EGFR: variants seen among roughly 807,000 people sequenced by gnomAD.
The protein encoded by EGFR is avian erythroblastic leukemia viral (v-erb-b) oncogene homolog.
EGFR carries 58 observed loss-of-function variants against 143.0 expected under a neutral mutation model. The observed-to-expected ratio is 0.41, with a 90% CI of 0.33 to 0.50. The LOEUF (loss-of-function observed/expected upper bound fraction) is 0.50. Among genes scored for constraint, EGFR ranks in the 20% least tolerant of loss-of-function variants. EGFR has a pLI of 0.39. For synonymous variants in EGFR, 613 were observed against 594.4 expected (o/e 1.03, Z -0.45); for missense variants, 1,307 against 1,579.0 (o/e 0.83, Z 2.92).
chr7:55,137,855 G>A (rs1794238336), intron 1 of EGFR, among the ~76,000 whole-genome samples: 2 of 152,166 alleles, frequency 1.3e-5, no homozygotes, highest in South Asian at 4.1e-4. Flanking sequence ...GGGCATGAGG[G>A]ATGACAGTTA....
chr7:55,156,427 G>A (rs2128937917), intron 8 of EGFR, 106 bp from the exon 9 acceptor site: 4 of 1,496,084 alleles, frequency 2.7e-6, no homozygotes, highest in African/African-American at 1.4e-5. Context: ...TGGCAGTGGC[G>A]GTTCCGGTGA....
rs562386030 is a variant in EGFR at position 55,148,286 on chromosome 7, T to C, written c.559+1546T>C. On this transcript the variant is annotated intron_variant, in intron 4 of 27. Transcript: ENST00000275493. ...CTGTGCACATTTTATTTTTTTTTAA[T>C]GAACCTGGAACGGTTATGGGGCCAG... is the stretch of plus-strand genomic sequence containing the variant. Among the ~76,000 whole-genome samples the C allele has an allele frequency of 1.1e-4, 17 of 152,280 alleles. No homozygotes were observed. In the South Asian group the frequency reaches 3.5e-3, roughly 32 times the overall value.
chr7:55,110,848 C>A (rs540532841), intron 1 of EGFR, among the ~76,000 whole-genome samples: 1 of 152,158 alleles, frequency 6.6e-6, no homozygotes, highest in Non-Finnish European at 1.5e-5. Flanking sequence ...GGTGTGAAGT[C>A]GCTGGAGAAG....
intron 1 of EGFR, among the ~76,000 whole-genome samples, chr7:55,067,931 C>T (rs1249391033): frequency 6.7e-6 from 1 of 150,046 alleles, no homozygotes; most frequent in Non-Finnish European, 1.5e-5. Flanking sequence ...TGTGTCTGCG[C>T]ACGTGTGTAT....
intron 20 of EGFR, 105 bp from the exon 21 acceptor site, chr7:55,191,614 G>A (rs972882489): frequency 5.3e-6 from 8 of 1,503,092 alleles, no homozygotes; most frequent in African/African-American, 1.4e-5. Context: ...ATAAGTCCTC[G>A]ACGTGGAGAG....
rs565931022 is a variant in EGFR, at chr7:55,145,869, T to C, written c.425-737T>C. Among the ~76,000 whole-genome samples, 3 of 152,324 alleles carry C rather than the reference T, an allele frequency of 2.0e-5. No individual in the cohort carries two copies. In the East Asian group the frequency reaches 5.8e-4, roughly 29 times the overall value. ...CTGTCAGCTCCCAGATCGAAGCCAG[T>C]GGATCTCATTCATCCTCGCAGCGCC... On this transcript the variant is annotated intron_variant, in intron 3 of 27. Transcript: ENST00000275493.
intron 1 of EGFR, among the ~76,000 whole-genome samples, chr7:55,130,511 G>A (rs1025459298): frequency 3.3e-5 from 5 of 152,096 alleles, no homozygotes; most frequent in African/African-American, 7.2e-5. Flanking sequence ...AAAGCTTCAC[G>A]CCCGCCCCCG....
intron 1 of EGFR, among the ~76,000 whole-genome samples, chr7:55,070,667 C>T (rs559988696): frequency 6.6e-6 from 1 of 152,164 alleles, no homozygotes; most frequent in African/African-American, 2.4e-5. Flanking sequence ...TGCAAACGGC[C>T]CTGAGTCCCC....
At chr7:55,022,954 C>A (rs1199859352) in intron 1 of EGFR, among the ~76,000 whole-genome samples, 1 of 152,184 alleles carries the variant, frequency 6.6e-6, no homozygotes, top group Non-Finnish European at 1.5e-5. Flanking sequence ...AGAAAATATT[C>A]TTTGTTTTTT....
rs2128946417 is a variant in EGFR at position 55,165,389 on chromosome 7, C to T, written c.1832C>T (p.Ala611Val). ...AACAACACCCTGGTCTGGAAGTACG[C>T]AGACGCCGGCCATGTGTGCCACCTG... ...GENNTLVWKY[A>V]DAGHVCHLCH... Residue 611 changes from alanine to valine, a missense_variant, in exon 15 of 28, where the codon GCA becomes GTA. Physicochemically the swap from Ala to Val is moderately conservative, Grantham distance 64 (BLOSUM62 0). Coordinates refer to ENST00000275493, the MANE Select transcript of EGFR (RefSeq NM_005228.5). 6.2e-7 allele frequency: 1 copy of T among 1,614,170 alleles called. No homozygotes were observed. Among genetic ancestry groups the T allele is most frequent in the Non-Finnish European group, 8.5e-7 (1 of 1,180,032 alleles).
chr7:55,121,253 G>A (rs1793185228), intron 1 of EGFR, among the ~76,000 whole-genome samples: 1 of 152,226 alleles, frequency 6.6e-6, no homozygotes. Context: ...TGATATGGAA[G>A]AGAAGGTAAA....
intron 1 of EGFR, among the ~76,000 whole-genome samples, chr7:55,138,211 T>C (rs61281753): frequency 0.018 from 2,775 of 152,182 alleles, 81 homozygotes; most frequent in African/African-American, 0.063. Flanking sequence ...CATAATAAAA[T>C]TTTAGGACAA....
Position 55,174,822 on chromosome 7 carries a change from T to G in EGFR, c.2283+2T>G. 4 of 1,613,062 alleles carry G rather than the reference T, an allele frequency of 2.5e-6. No individual in the cohort carries two copies. Among genetic ancestry groups the G allele is most frequent in the Non-Finnish European group, 2.5e-6 (3 of 1,179,042 alleles). ...AAAGCCAACAAGGAAATCCTCGATG[T>G]GAGTTTCTGCTTTGCTGTGTGGGGG... On this transcript the variant is annotated splice_donor_variant, in intron 19 of 27. Transcript: ENST00000275493. LOFTEE classifies it high-confidence loss of function.
At chr7:55,143,710 A>G (rs1361878401) in intron 3 of EGFR, among the ~76,000 whole-genome samples, 1 of 152,228 alleles carries the variant, frequency 6.6e-6, no homozygotes, top group African/African-American at 2.4e-5. Flanking sequence ...CAGTGTTTAC[A>G]TGGACATGAA....
At chr7:55,197,148 A>G (rs971470790) in intron 22 of EGFR, among the ~76,000 whole-genome samples, 1 of 152,212 alleles carries the variant, frequency 6.6e-6, no homozygotes, top group Non-Finnish European at 1.5e-5. Context: ...TGAGCATGGA[A>G]TGTTTTTCCA....
chr7:55,122,021 G>A (rs1009515353), intron 1 of EGFR, among the ~76,000 whole-genome samples: 6 of 152,174 alleles, frequency 3.9e-5, no homozygotes, highest in African/African-American at 1.4e-4. Flanking sequence ...GGGGAGACCT[G>A]AGCCCACTTC....
intron 1 of EGFR, among the ~76,000 whole-genome samples, chr7:55,133,775 G>A (rs1305807150): frequency 2.6e-5 from 4 of 152,274 alleles, no homozygotes; most frequent in African/African-American, 4.8e-5. Flanking sequence ...GGTCTGAGGC[G>A]CCACTGGAGG....
chr7:55,134,721 A>T (rs767525522), intron 1 of EGFR, among the ~76,000 whole-genome samples: 2 of 152,260 alleles, frequency 1.3e-5, no homozygotes, highest in African/African-American at 4.8e-5. Context: ...TAAGATTATT[A>T]GTTTAAAAAC....
intron 20 of EGFR, among the ~76,000 whole-genome samples, chr7:55,183,002 T>C (rs1207140127): frequency 1.3e-5 from 2 of 152,182 alleles, no homozygotes; most frequent in Non-Finnish European, 2.9e-5. Flanking sequence ...CACAGCTTTA[T>C]TCCCTCCTGG....
Sources: gnomAD v4.1 joint callset for allele counts (sites outside exome capture counted in the v4.1 genomes callset) on GRCh38, gnomAD v4.1.1 for gene constraint, MANE v1.5 for transcripts, NCBI Gene and HGNC (gene_info 2026-07-23, HGNC 2026-07-21) for gene names.